The following CTNNA3 variants were observed in gnomAD, a reference collection of about 807,000 sequenced individuals.
The protein encoded by CTNNA3 is catenin alpha 3, also known as catenin alpha-3.
In CTNNA3, 76 loss-of-function variants were observed where a neutral mutation model predicts 95.7. The ratio of observed to expected loss-of-function variants is 0.79; its 90% CI spans 0.66 to 0.96. CTNNA3 has a LOEUF of 0.96. Ranked by LOEUF, CTNNA3 falls within the 40% of genes least tolerant of loss-of-function variation. The pLI is 0.00. For synonymous variants in CTNNA3, 431 were observed against 374.4 expected (o/e 1.15, Z -1.74); for missense variants, 1,191 against 1,089.8 (o/e 1.09, Z -1.31).
intron 3 of CTNNA3, among the ~76,000 whole-genome samples, chr10:67,566,412 A>G (rs1348911395): frequency 6.6e-6 from 1 of 151,866 alleles, no homozygotes; most frequent in Non-Finnish European, 1.5e-5. Context: ...CCAAAAACAC[A>G]TGAAAAAATG....
At chr10:66,651,983 T>C (rs554322389) in intron 9 of CTNNA3, among the ~76,000 whole-genome samples, 1 of 149,430 alleles carries the variant, frequency 6.7e-6, no homozygotes, top group South Asian at 2.2e-4. Context: ...GCTAGCACGT[T>C]GTCACCTCTC....
At chr10:67,175,109 GC>G (rs11356666) in intron 7 of CTNNA3, among the ~76,000 whole-genome samples, 130,891 of 130,926 alleles carry the variant, frequency 1, 65,428 homozygotes, top group Middle Eastern at 1. Flanking sequence ...GGGAGGAAGG[GC>G]AAGAAGGAAG....
intron 13 of CTNNA3, 122 bp downstream of exon 13, chr10:66,280,348 G>A (rs1377511609): frequency 3.5e-6 from 3 of 862,864 alleles, no homozygotes; most frequent in Admixed American, 5.4e-5. Context: ...AACTTCTAAA[G>A]TTTTAATAGA....
intron 7 of CTNNA3, among the ~76,000 whole-genome samples, chr10:66,871,728 C>G (rs1419084526): frequency 6.6e-6 from 1 of 152,046 alleles, no homozygotes; most frequent in East Asian, 1.9e-4. Flanking sequence ...CATTGAACAA[C>G]CACAGAAAGA....
chr10:66,023,094 AAACC>A (rs3999022), intron 15 of CTNNA3, among the ~76,000 whole-genome samples: 104,908 of 151,618 alleles, frequency 0.69, 36,399 homozygotes, highest in South Asian at 0.76. Flanking sequence ...CAAAGTTTTT[AAACC>A]AACCATCTCT....
intron 5 of CTNNA3, among the ~76,000 whole-genome samples, chr10:67,491,290 T>C (rs551197022): frequency 6.6e-6 from 1 of 152,122 alleles, no homozygotes; most frequent in African/African-American, 2.4e-5. Context: ...TATTAAAACA[T>C]TAAAAATCAA....
intron 7 of CTNNA3, among the ~76,000 whole-genome samples, chr10:67,064,056 GC>G (rs1855919134): frequency 6.6e-6 from 1 of 152,130 alleles, no homozygotes. Flanking sequence ...TATACCTGAC[GC>G]TTCAGCTTTT....
chr10:67,183,929 T>C (rs1160677872), intron 6 of CTNNA3, among the ~76,000 whole-genome samples: 1 of 152,012 alleles, frequency 6.6e-6, no homozygotes, highest in Non-Finnish European at 1.5e-5. Context: ...TGAAGAAAAA[T>C]AGGTGCCCTT....
At chr10:65,937,820 T>A (rs2077367250) in intron 17 of CTNNA3, among the ~76,000 whole-genome samples, 1 of 152,152 alleles carries the variant, frequency 6.6e-6, no homozygotes, top group South Asian at 2.1e-4. Flanking sequence ...GAGAAATGAC[T>A]ATTTTTTTCT....
chr10:65,967,625 A>T (rs2078001749), intron 16 of CTNNA3, among the ~76,000 whole-genome samples: 1 of 152,214 alleles, frequency 6.6e-6, no homozygotes, highest in East Asian at 1.9e-4. Context: ...CAGACAGGAC[A>T]CATGTTTTAG....
At chr10:67,566,075 A>ATATATAT (rs1156404935) in intron 3 of CTNNA3, among the ~76,000 whole-genome samples, 37 of 100,106 alleles carry the variant, frequency 3.7e-4, no homozygotes, top group Non-Finnish European at 4.4e-4. Context: ...ATATATATAC[A>ATATATAT]AAACCTAGGC....
chr10:67,707,713 T>C (rs2133608700), intron 1 of CTNNA3, among the ~76,000 whole-genome samples: 1 of 152,246 alleles, frequency 6.6e-6, no homozygotes, highest in East Asian at 1.9e-4. Context: ...CTATAGGAAT[T>C]AAAAGGAGGT....
chr10:66,180,580 G>T (rs66921337), intron 13 of CTNNA3, among the ~76,000 whole-genome samples: 7,198 of 152,182 alleles, frequency 0.047, 213 homozygotes, highest in African/African-American at 0.066. Flanking sequence ...AAATTCTGGA[G>T]CCCTGAAGCA....
chr10:66,943,390 T>A (rs1448965578), intron 7 of CTNNA3, among the ~76,000 whole-genome samples: 3 of 152,192 alleles, frequency 2.0e-5, no homozygotes, highest in Non-Finnish European at 4.4e-5. Context: ...AATTAGAAAC[T>A]GACTATACCA....
intron 13 of CTNNA3, among the ~76,000 whole-genome samples, chr10:66,204,247 A>G (rs1226022885): frequency 1.3e-5 from 2 of 152,082 alleles, no homozygotes; most frequent in African/African-American, 4.8e-5. Context: ...TTGGTTGACA[A>G]TGTTACCTGG....
At chr10:65,954,428 T>G (rs527266375) in intron 17 of CTNNA3, among the ~76,000 whole-genome samples, 2 of 152,364 alleles carry the variant, frequency 1.3e-5, no homozygotes, top group East Asian at 3.9e-4. Context: ...TTGTTGCCAC[T>G]GCTTTTGTTG....
chr10:66,797,796 A>AT (rs1173141687), intron 7 of CTNNA3, among the ~76,000 whole-genome samples: 9 of 150,960 alleles, frequency 6.0e-5, no homozygotes, highest in Non-Finnish European at 1.0e-4. Flanking sequence ...TCCTCAGTCA[A>AT]TTTTTTTTTC....
chr10:66,595,641 G>T (rs1286220281), intron 10 of CTNNA3, among the ~76,000 whole-genome samples: 1 of 151,824 alleles, frequency 6.6e-6, no homozygotes, highest in Non-Finnish European at 1.5e-5. Flanking sequence ...CCAGCCTGTT[G>T]ATTTATTTTT....
At chr10:67,613,530 T>A (rs908008595) in intron 2 of CTNNA3, among the ~76,000 whole-genome samples, 2 of 152,178 alleles carry the variant, frequency 1.3e-5, no homozygotes, top group Non-Finnish European at 2.9e-5. Context: ...AGGAAGTCCT[T>A]AATGTGGGAT....
Sources: gnomAD v4.1 joint callset for allele counts (sites outside exome capture counted in the v4.1 genomes callset) on GRCh38, gnomAD v4.1.1 for gene constraint, MANE v1.5 for transcripts, NCBI Gene and HGNC (gene_info 2026-07-23, HGNC 2026-07-21) for gene names.